The following PCDH9 variants were observed in gnomAD, a reference collection of about 807,000 sequenced individuals.
PCDH9 encodes protocadherin 9, also known as protocadherin-9.
A neutral mutation model predicts 70.6 loss-of-function variants in PCDH9; 24 were observed. The observed-to-expected ratio is 0.34, with a 90% CI of 0.25 to 0.48. The LOEUF (loss-of-function observed/expected upper bound fraction) is 0.48. PCDH9 is among the 20% of genes least tolerant of loss of function. PCDH9 has a pLI of 0.99. For missense variants in PCDH9, 1,281 were observed against 1,503.6 expected (o/e 0.85, Z 2.45); for synonymous variants, 562 against 558.5 (o/e 1.01, Z -0.09).
chr13:66,955,326 G>C (rs565411514), intron 2 of PCDH9, among the ~76,000 whole-genome samples: 149 of 152,236 alleles, frequency 9.8e-4, no homozygotes, highest in African/African-American at 3.2e-3. Context: ...AAAATTATGA[G>C]AGCATAAAGG....
chr13:66,889,476 T>C (rs1156958592), intron 3 of PCDH9, among the ~76,000 whole-genome samples: 1 of 152,168 alleles, frequency 6.6e-6, no homozygotes, highest in African/African-American at 2.4e-5. Context: ...ATGATTCTTA[T>C]GCCTATGGGT....
At chr13:66,774,558 T>C (rs1201354607) in intron 3 of PCDH9, among the ~76,000 whole-genome samples, 1 of 152,146 alleles carries the variant, frequency 6.6e-6, no homozygotes, top group Non-Finnish European at 1.5e-5. Context: ...GTGTACTGTG[T>C]TTATATTTTA....
chr13:66,706,644 G>C (rs1386141079), intron 3 of PCDH9, among the ~76,000 whole-genome samples: 1 of 152,178 alleles, frequency 6.6e-6, no homozygotes, highest in Non-Finnish European at 1.5e-5. Context: ...GTTTTAGAGA[G>C]TAGAAACAGA....
chr13:66,981,630 G>C (rs1178158714), intron 2 of PCDH9, among the ~76,000 whole-genome samples: 1 of 151,726 alleles, frequency 6.6e-6, no homozygotes, highest in Non-Finnish European at 1.5e-5. Context: ...AAGAAAAAAA[G>C]TATTTGATTA....
intron 4 of PCDH9, among the ~76,000 whole-genome samples, chr13:66,459,506 A>C (rs979799920): frequency 6.6e-6 from 1 of 151,712 alleles, no homozygotes; most frequent in Admixed American, 6.6e-5. Context: ...GAATGTATTC[A>C]TTGTATGAGG....
chr13:66,725,828 T>C (rs2078998784), intron 3 of PCDH9, among the ~76,000 whole-genome samples: 1 of 152,140 alleles, frequency 6.6e-6, no homozygotes, highest in Non-Finnish European at 1.5e-5. Flanking sequence ...CAATAATCAA[T>C]TTTATTCCCC....
intron 2 of PCDH9, among the ~76,000 whole-genome samples, chr13:67,006,333 C>T (rs2084354879): frequency 6.6e-6 from 1 of 152,130 alleles, no homozygotes; most frequent in Non-Finnish European, 1.5e-5. Context: ...ATAGATTGTG[C>T]AGGAATGTAT....
chr13:66,761,262 T>C (rs1394498803), intron 3 of PCDH9, among the ~76,000 whole-genome samples: 1 of 152,140 alleles, frequency 6.6e-6, no homozygotes, highest in Non-Finnish European at 1.5e-5. Flanking sequence ...AATTTCTCTC[T>C]TTTGTACTCT....
chr13:66,452,038 G>A (rs1387649728), intron 4 of PCDH9, among the ~76,000 whole-genome samples: 1 of 152,166 alleles, frequency 6.6e-6, no homozygotes, highest in Non-Finnish European at 1.5e-5. Flanking sequence ...AGGTCTCCAT[G>A]ACAGTTGTGT....
intron 2 of PCDH9, among the ~76,000 whole-genome samples, chr13:66,953,815 G>C (rs1275143600): frequency 6.6e-6 from 1 of 152,052 alleles, no homozygotes; most frequent in Non-Finnish European, 1.5e-5. Flanking sequence ...AATTCTACTG[G>C]GTGAGCTTAC....
chr13:67,198,627 A>G (rs1310531874), intron 2 of PCDH9, among the ~76,000 whole-genome samples: 1 of 151,962 alleles, frequency 6.6e-6, no homozygotes, highest in Non-Finnish European at 1.5e-5. Flanking sequence ...TAGGTAATCT[A>G]TAAAAACTCA....
chr13:67,154,258 G>C (rs375407892), intron 2 of PCDH9, among the ~76,000 whole-genome samples: 1 of 151,844 alleles, frequency 6.6e-6, no homozygotes, highest in Non-Finnish European at 1.5e-5. Context: ...TTTGACAAAA[G>C]ATATGTAATA....
chr13:66,656,483 C>G (rs1383330427), intron 3 of PCDH9, among the ~76,000 whole-genome samples: 1 of 152,048 alleles, frequency 6.6e-6, no homozygotes, highest in Non-Finnish European at 1.5e-5. Context: ...AAAAAAAATT[C>G]TGCAGTTTTC....
At chr13:66,731,484 A>T (rs2079079588) in intron 3 of PCDH9, among the ~76,000 whole-genome samples, 1 of 152,156 alleles carries the variant, frequency 6.6e-6, no homozygotes, top group African/African-American at 2.4e-5. Context: ...CATTAGCCTA[A>T]TAAAGTAACA....
chr13:66,518,434 A>G (rs1344660308), intron 4 of PCDH9, among the ~76,000 whole-genome samples: 1 of 152,154 alleles, frequency 6.6e-6, no homozygotes, highest in Non-Finnish European at 1.5e-5. Context: ...CAATGAGACA[A>G]TACTTTTAAA....
chr13:67,222,129 A>T (rs1029137669), intron 2 of PCDH9: 2 of 152,166 alleles, frequency 1.3e-5, no homozygotes, highest in African/African-American at 4.8e-5. Flanking sequence ...TCTGTCAACA[A>T]GACCATTTTT....
intron 2 of PCDH9, among the ~76,000 whole-genome samples, chr13:67,130,666 A>G (rs1003153314): frequency 6.6e-6 from 1 of 152,056 alleles, no homozygotes; most frequent in Admixed American, 6.6e-5. Flanking sequence ...AACAAGGGCC[A>G]GAACTGCCTC....
intron 3 of PCDH9, among the ~76,000 whole-genome samples, chr13:66,828,019 C>A (rs1449566591): frequency 6.6e-6 from 1 of 152,056 alleles, no homozygotes; most frequent in Non-Finnish European, 1.5e-5. Context: ...TCTCTCTGTC[C>A]AGTTTCTTTA....
chr13:66,845,605 A>C (rs2139439139), intron 3 of PCDH9, among the ~76,000 whole-genome samples: 1 of 152,282 alleles, frequency 6.6e-6, no homozygotes, highest in East Asian at 1.9e-4. Flanking sequence ...GCCTGGATCC[A>C]CAGCGCTAGC....
Sources: gnomAD v4.1 joint callset for allele counts (sites outside exome capture counted in the v4.1 genomes callset) on GRCh38, gnomAD v4.1.1 for gene constraint, MANE v1.5 for transcripts, NCBI Gene and HGNC (gene_info 2026-07-23, HGNC 2026-07-21) for gene names.